Variants in GPC6 observed in about 807,000 individuals in gnomAD.
GPC6 encodes the protein glypican 6, also known as glypican-6.
A neutral mutation model predicts 55.2 loss-of-function variants in GPC6; 14 were observed. The ratio of observed to expected loss-of-function variants is 0.25; its 90% CI spans 0.17 to 0.40. The LOEUF is 0.40. Among genes scored for constraint, GPC6 ranks in the 10% least tolerant of loss-of-function variants. GPC6 has a pLI of 1.00. For synonymous variants in GPC6, 278 were observed against 259.6 expected, an observed-to-expected ratio of 1.07 and a Z score of -0.68; for missense variants, 641 against 708.5, an observed-to-expected ratio of 0.90 and a Z score of 1.08.
At chr13:93,223,598 C>T (rs1056680904), upstream of GPC6, among the ~76,000 whole-genome samples, 2 of 151,728 alleles carry the variant, frequency 1.3e-5, no homozygotes, top group African/African-American at 4.8e-5. Flanking sequence ...CACATACCAT[C>T]ACACCAGCGA....
intron 5 of GPC6, among the ~76,000 whole-genome samples, chr13:94,292,056 G>T (rs1276078664): frequency 6.6e-6 from 1 of 152,118 alleles, no homozygotes; most frequent in African/African-American, 2.4e-5. Flanking sequence ...AGTGCTTACT[G>T]CCAGGGACAA....
intron 1 of GPC6, among the ~76,000 whole-genome samples, chr13:93,544,103 A>C (rs916574603): frequency 2.6e-5 from 4 of 151,540 alleles, no homozygotes; most frequent in Non-Finnish European, 5.9e-5. Flanking sequence ...TGGACATTTG[A>C]GTGTCTTTTA....
intron 1 of GPC6, among the ~76,000 whole-genome samples, chr13:93,307,370 T>C (rs1007613200): frequency 6.6e-6 from 1 of 152,194 alleles, no homozygotes; most frequent in African/African-American, 2.4e-5. Context: ...ATTCAGATTT[T>C]ATGATGAATC....
chr13:93,262,197 ACCTT>A (rs1877174909), intron 1 of GPC6, among the ~76,000 whole-genome samples: 1 of 152,038 alleles, frequency 6.6e-6, no homozygotes, highest in Non-Finnish European at 1.5e-5. Flanking sequence ...AGTAACTTTT[ACCTT>A]TCTCAGGTCC....
At chr13:94,014,563 A>C (rs968821643) in intron 3 of GPC6, among the ~76,000 whole-genome samples, 2 of 152,258 alleles carry the variant, frequency 1.3e-5, no homozygotes, top group Admixed American at 6.5e-5. Flanking sequence ...GTAGAGGCCA[A>C]GTTTTTAGTA....
intron 3 of GPC6, among the ~76,000 whole-genome samples, chr13:94,017,898 G>A (rs1269326019): frequency 6.6e-6 from 1 of 151,882 alleles, no homozygotes; most frequent in Non-Finnish European, 1.5e-5. Flanking sequence ...GGCTGGTCTT[G>A]AACTCCTGAC....
chr13:94,336,863 G>C (rs936084350), intron 6 of GPC6, among the ~76,000 whole-genome samples: 21 of 151,964 alleles, frequency 1.4e-4, no homozygotes, highest in African/African-American at 4.6e-4. Flanking sequence ...ATTCTCTTAA[G>C]AATTAAAAAA....
chr13:94,389,180 G>A (rs9584223), intron 7 of GPC6, among the ~76,000 whole-genome samples: 8,187 of 152,148 alleles, frequency 0.054, 690 homozygotes, highest in African/African-American at 0.19. Context: ...GAGGAAAATC[G>A]ATAATAATCT....
rs555690920 is a variant in GPC6 at position 93,227,517 on chromosome 13, G to T, written c.61G>T (p.Ala21Ser). The stretch of plus-strand genomic sequence containing the variant: ...CTTGGGGCTGCTGCTCTCCCTCCCC[G>T]CCGGGGCGGATGTGAAGGCTCGGAG... ...PLLGLLLSLPAGADVKARSCG... is the reference protein window; with the variant it reads ...PLLGLLLSLPSGADVKARSCG... The change falls in exon 1 of 9, where the codon GCC becomes TCC. Residue 21 changes from alanine (A) to serine (S), a missense_variant. Coordinates refer to ENST00000377047, the MANE Select transcript of GPC6 (RefSeq NM_005708.5). This position sits in a 1 kb window ranked among gnomAD's most constrained non-coding sequence, Gnocchi z 4.3. 59 of 1,613,808 alleles carry T rather than the reference G, an allele frequency of 3.7e-5. No homozygotes were observed. The South Asian group carries it at 5.9e-4, about 16-fold the overall frequency.
intron 1 of GPC6, among the ~76,000 whole-genome samples, chr13:93,298,703 CT>C (rs1878576081): frequency 6.6e-6 from 1 of 152,004 alleles, no homozygotes; most frequent in South Asian, 2.1e-4. Context: ...CCGCCTCAGC[CT>C]CCCAAAGTGC....
At chr13:93,608,283 A>C (rs1878327849) in intron 2 of GPC6, among the ~76,000 whole-genome samples, 1 of 152,012 alleles carries the variant, frequency 6.6e-6, no homozygotes, top group African/African-American at 2.4e-5. Flanking sequence ...TTTACTATTC[A>C]ATTACTGTTG....
intron 3 of GPC6, among the ~76,000 whole-genome samples, chr13:93,839,708 A>G (rs1887879562): frequency 6.6e-6 from 1 of 152,122 alleles, no homozygotes; most frequent in Admixed American, 6.6e-5. Flanking sequence ...CCGTCTTCAG[A>G]GATTCAATGT....
At chr13:93,688,537 GA>G (rs1244285657) in intron 2 of GPC6, among the ~76,000 whole-genome samples, 1 of 152,026 alleles carries the variant, frequency 6.6e-6, no homozygotes, top group East Asian at 1.9e-4. Context: ...ATCAACAGGT[GA>G]ATGGGTAAAC....
At chr13:93,288,017 T>C (rs1046522629) in intron 1 of GPC6, among the ~76,000 whole-genome samples, 5 of 152,186 alleles carry the variant, frequency 3.3e-5, no homozygotes, top group African/African-American at 1.2e-4. Context: ...TTCATCGGTT[T>C]TGATTTTAAG....
intron 4 of GPC6, among the ~76,000 whole-genome samples, chr13:94,212,844 G>C (rs901990706): frequency 6.6e-6 from 1 of 152,120 alleles, no homozygotes; most frequent in South Asian, 2.1e-4. Context: ...GCACAGATAC[G>C]TTAACTATTA....
intron 2 of GPC6, among the ~76,000 whole-genome samples, chr13:93,623,392 C>T (rs556117530): frequency 1.3e-5 from 2 of 151,166 alleles, no homozygotes; most frequent in South Asian, 2.1e-4. Flanking sequence ...CACTCCCACT[C>T]GTGTGTAAGT....
intron 4 of GPC6, among the ~76,000 whole-genome samples, chr13:94,154,859 G>A (rs192237820): frequency 7.8e-4 from 119 of 152,242 alleles, no homozygotes; most frequent in Middle Eastern, 3.4e-3. Context: ...TTTAAAGTAT[G>A]TATCTTCTGC....
chr13:94,249,858 T>C (rs1891298651), intron 4 of GPC6, among the ~76,000 whole-genome samples: 2 of 152,110 alleles, frequency 1.3e-5, no homozygotes, highest in African/African-American at 4.8e-5. Context: ...AGGAGGTAAG[T>C]TGCAATTTGC....
At chr13:93,487,067 A>T (rs1297633507) in intron 1 of GPC6, among the ~76,000 whole-genome samples, 2 of 152,170 alleles carry the variant, frequency 1.3e-5, no homozygotes, top group African/African-American at 4.8e-5. Flanking sequence ...AGCAGGGCTG[A>T]TACCTCGCAG....
Sources: gnomAD v4.1 joint callset for allele counts (sites outside exome capture counted in the v4.1 genomes callset) on GRCh38, gnomAD v4.1.1 for gene constraint, Gnocchi (gnomAD v3.1) non-coding constraint, MANE v1.5 for transcripts, NCBI Gene and HGNC (gene_info 2026-07-23, HGNC 2026-07-21) for gene names.